The following MAP3K13 variants were observed in gnomAD, a reference collection of about 807,000 sequenced individuals.
MAP3K13 encodes the protein mitogen-activated protein kinase kinase kinase 13, also known as leucine zipper-bearing kinase.
MAP3K13 carries 52 observed loss-of-function variants against 104.0 expected under a neutral mutation model. The ratio of observed to expected loss-of-function variants is 0.50; its 90% CI spans 0.40 to 0.63. The LOEUF is 0.63. MAP3K13 is among the 20% of genes least tolerant of loss of function. The probability of loss-of-function intolerance (pLI) is 0.00; values close to 1 mark genes in which losing one functional copy is unlikely to be tolerated. For synonymous variants in MAP3K13, 394 were observed against 442.2 expected, an observed-to-expected ratio of 0.89 and a Z score of 1.37; for missense variants, 914 against 1,218.5, an observed-to-expected ratio of 0.75 and a Z score of 3.72.
chr3:185,421,861 T>A (rs1056762400), intron 1 of MAP3K13, among the ~76,000 whole-genome samples: 1 of 152,244 alleles, frequency 6.6e-6, no homozygotes, highest in African/African-American at 2.4e-5. Context: ...TTTAGCTTCC[T>A]ACACTCTTCT....
chr3:185,417,765 G>C, intron 1 of MAP3K13: 1 of 1,612,306 alleles, frequency 6.2e-7, no homozygotes, highest in Non-Finnish European at 8.5e-7. Context: ...GAAGAATGGT[G>C]TTCCGGCGCA....
At chr3:185,349,860 C>A (rs540585672) in intron 2 of MAP3K13, among the ~76,000 whole-genome samples, 1 of 152,146 alleles carries the variant, frequency 6.6e-6, no homozygotes, top group Non-Finnish European at 1.5e-5. Context: ...ATGCTGTGTG[C>A]GTACACTGCA....
At chr3:185,386,486 A>T (rs1711697839) in intron 1 of MAP3K13, among the ~76,000 whole-genome samples, 1 of 152,104 alleles carries the variant, frequency 6.6e-6, no homozygotes, top group Admixed American at 6.5e-5. Flanking sequence ...GTGGAAGATA[A>T]TGTGGCTATT....
At chr3:185,289,431 T>TC (rs1239254835) in intron 2 of MAP3K13, among the ~76,000 whole-genome samples, 2 of 152,174 alleles carry the variant, frequency 1.3e-5, no homozygotes, top group Non-Finnish European at 2.9e-5. Flanking sequence ...TATCCACTGG[T>TC]CACTTATCCA....
At chr3:185,392,616 A>G (rs904921349) in intron 1 of MAP3K13, among the ~76,000 whole-genome samples, 3 of 152,230 alleles carry the variant, frequency 2.0e-5, no homozygotes, top group Non-Finnish European at 4.4e-5. Flanking sequence ...AGAGGGCTGC[A>G]CTTTGTTCTG....
intron 1 of MAP3K13, among the ~76,000 whole-genome samples, chr3:185,381,895 C>T (rs958718045): frequency 4.6e-5 from 7 of 152,316 alleles, no homozygotes; most frequent in African/African-American, 1.7e-4. Flanking sequence ...CCTATACTTC[C>T]CCTAGGAGCA....
At chr3:185,479,759 A>G (rs987732306) in intron 12 of MAP3K13, among the ~76,000 whole-genome samples, 2 of 152,218 alleles carry the variant, frequency 1.3e-5, no homozygotes, top group African/African-American at 4.8e-5. Flanking sequence ...GAGCTGGGGA[A>G]GTCCAAGATC....
intron 7 of MAP3K13, among the ~76,000 whole-genome samples, chr3:185,452,691 G>A (rs745446214): frequency 2.3e-4 from 35 of 152,160 alleles, no homozygotes; most frequent in Non-Finnish European, 4.0e-4. Context: ...AGGCTGGCTG[G>A]TCCTAGGACG....
intron 2 of MAP3K13, among the ~76,000 whole-genome samples, chr3:185,355,901 T>A (rs1378417147): frequency 6.6e-6 from 1 of 152,236 alleles, no homozygotes; most frequent in Non-Finnish European, 1.5e-5. Context: ...TAACTAACAT[T>A]GTTTACCATG....
intron 1 of MAP3K13, among the ~76,000 whole-genome samples, chr3:185,392,164 G>A (rs1395989928): frequency 2.0e-5 from 3 of 152,186 alleles, no homozygotes; most frequent in African/African-American, 7.2e-5. Flanking sequence ...ATGGCCTAAT[G>A]AGTTCAAGGA....
intron 2 of MAP3K13, chr3:185,292,535 T>TC (rs1035901372): frequency 1.3e-5 from 6 of 476,486 alleles, no homozygotes; most frequent in African/African-American, 8.5e-5. Flanking sequence ...TCTAACATTT[T>TC]CCCCCCGGCC....
chr3:185,451,741 C>T (rs1173065903), intron 7 of MAP3K13, among the ~76,000 whole-genome samples: 1 of 151,922 alleles, frequency 6.6e-6, no homozygotes, highest in East Asian at 1.9e-4. Context: ...GTGGCGCATG[C>T]CTGTAATCCC....
At chr3:185,341,462 T>A (rs75401656) in intron 2 of MAP3K13, among the ~76,000 whole-genome samples, 16 of 152,324 alleles carry the variant, frequency 1.1e-4, no homozygotes, top group African/African-American at 3.8e-4. Context: ...CCTCTAGAAC[T>A]GTAAAAGAAA....
chr3:185,313,196 A>C (rs946725934), intron 2 of MAP3K13, among the ~76,000 whole-genome samples: 1 of 151,988 alleles, frequency 6.6e-6, no homozygotes, highest in African/African-American at 2.4e-5. Context: ...CTCAAAAAAA[A>C]AAAGGGGAAA....
intron 1 of MAP3K13, among the ~76,000 whole-genome samples, chr3:185,409,785 G>C (rs866413514): frequency 6.6e-6 from 1 of 152,144 alleles, no homozygotes; most frequent in Non-Finnish European, 1.5e-5. Context: ...GTACACAATT[G>C]AATACTATTC....
chr3:185,415,411 G>T (rs1054713449), intron 1 of MAP3K13, among the ~76,000 whole-genome samples: 15 of 151,846 alleles, frequency 9.9e-5, no homozygotes, highest in Non-Finnish European at 1.5e-5. Context: ...ACCTGCTTCA[G>T]CCTCCCAAAG....
intron 2 of MAP3K13, among the ~76,000 whole-genome samples, chr3:185,327,911 G>GA (rs1229410961): frequency 8.7e-5 from 11 of 126,872 alleles, no homozygotes; most frequent in South Asian, 5.6e-4. Context: ...GACTCTGTCA[G>GA]AAAAAAGAAA....
intron 2 of MAP3K13, among the ~76,000 whole-genome samples, chr3:185,343,622 T>C (rs1659537601): frequency 6.6e-6 from 1 of 152,084 alleles, no homozygotes; most frequent in South Asian, 2.1e-4. Flanking sequence ...CCAGCTAGTT[T>C]TGGTATTTTT....
At chr3:185,433,670 C>T (rs1348910847) in intron 2 of MAP3K13, among the ~76,000 whole-genome samples, 1 of 152,156 alleles carries the variant, frequency 6.6e-6, no homozygotes, top group Non-Finnish European at 1.5e-5. Context: ...TGTGTTCTTT[C>T]ATTACCAGTA....
Sources: gnomAD v4.1 joint callset for allele counts (sites outside exome capture counted in the v4.1 genomes callset) on GRCh38, gnomAD v4.1.1 for gene constraint, MANE v1.5 for transcripts, NCBI Gene and HGNC (gene_info 2026-07-23, HGNC 2026-07-21) for gene names.